TSHZ3: variants seen among roughly 807,000 people sequenced by gnomAD.
TSHZ3 encodes the protein teashirt homolog 3.
TSHZ3 carries 10 observed loss-of-function variants against 64.5 expected under a neutral mutation model. The observed-to-expected ratio is 0.16, with a 90% confidence interval of 0.10 to 0.26. The LOEUF (loss-of-function observed/expected upper bound fraction) is 0.26. TSHZ3 is among the 10% of genes least tolerant of loss of function. TSHZ3 has a pLI of 1.00. For missense variants in TSHZ3, 1,242 were observed against 1,421.7 expected, an observed-to-expected ratio of 0.87 and a Z score of 2.03; for synonymous variants, 608 against 593.1, an observed-to-expected ratio of 1.03 and a Z score of -0.36.
intron 4 of TSHZ3, among the ~76,000 whole-genome samples, chr19:31,217,193 A>G (rs1203446699): frequency 2.0e-5 from 3 of 152,210 alleles, no homozygotes; most frequent in Admixed American, 6.5e-5. Context: ...GGGCAGAGAC[A>G]GCTAGTGGCA....
Position 31,276,826 on chromosome 19 carries a change from G to T in TSHZ3, c.2967C>A (p.Ser989=), listed in dbSNP as rs769424058. The stretch of plus-strand genomic sequence containing the variant: ...GTGACTCTAGGTGACTGATGTACGT[G>T]GAAGGAGTCCTGATTTGGGACGCAC... ...NDCASQIRTP[S]TYISHLESHL... Residue 989 remains serine, a synonymous_variant, in exon 2 of 2, where the codon TCC becomes TCA. Coordinates refer to ENST00000240587, the MANE Select transcript of TSHZ3 (RefSeq NM_020856.4). The T allele has an allele frequency of 1.2e-6, 2 of 1,614,182 alleles. No individual in the cohort carries two copies. The highest frequency in any genetic ancestry group is 1.7e-6 in the Non-Finnish European group (2 of 1,180,030).
rs549514411 is a variant in TSHZ3 at position 31,210,926 on chromosome 19, T to C, written n.687-5848A>G. Among the ~76,000 whole-genome samples the C allele has an allele frequency of 2.0e-4, 31 of 152,308 alleles. 1 individual carries two copies. In the South Asian group the frequency reaches 5.8e-3, roughly 29 times the overall value. ...TCTGTGTTCCAAACTGGCGGCAGAT[T>C]TTAGCAATGTTTAATTGTAAGAAAT... is the stretch of plus-strand genomic sequence containing the variant. On this transcript the variant is annotated intron_variant and non_coding_transcript_variant, in intron 4 of 6. Coordinates refer to the TSHZ3 transcript ENST00000651361.
chr19:31,325,583 G>A (rs942307021), intron 1 of TSHZ3, among the ~76,000 whole-genome samples: 3 of 152,182 alleles, frequency 2.0e-5, no homozygotes, highest in Non-Finnish European at 4.4e-5. Context: ...TGTGGGAAGC[G>A]AAATGTGTGT....
rs1228120871 is a variant in TSHZ3 at position 31,334,597 on chromosome 19, G to A, written c.40+14583C>T. ...GGGGCTGAGCCTGCTTTGAGTCTAT[G>A]GCAGCTGAGTTAGGAAAAACCAAAA... On this transcript the variant is annotated intron_variant, in intron 1 of 1. Transcript: ENST00000240587. Among the ~76,000 whole-genome samples, 5 of 152,134 alleles carry A rather than the reference G, an allele frequency of 3.3e-5. No individual in the cohort carries two copies. In the East Asian group the frequency reaches 9.6e-4, roughly 29 times the overall value.
rs528000703 is a variant in TSHZ3, at chr19:31,335,777, C to T, written c.40+13403G>A. On this transcript the variant is annotated intron_variant, in intron 1 of 1. Transcript: ENST00000240587. ...CAGGTGCTTTTGCTTATCTGGGTCT[C>T]TCTCTACATATATTTCTCTATCCCC... is the stretch of plus-strand genomic sequence containing the variant. Among the ~76,000 whole-genome samples, 6 of 152,326 alleles carry T rather than the reference C, an allele frequency of 3.9e-5. No individual in the cohort carries two copies. In the South Asian group the frequency reaches 1.2e-3, roughly 32 times the overall value.
chr19:31,344,555 G>A (rs965462932), intron 1 of TSHZ3, among the ~76,000 whole-genome samples: 1 of 152,168 alleles, frequency 6.6e-6, no homozygotes, highest in East Asian at 1.9e-4. Context: ...ACCAGGACCG[G>A]GCACTTCCTA....
chr19:31,279,029 G>A lies in TSHZ3; in HGVS notation c.764C>T (p.Ser255Phe). Residue 255 changes from serine to phenylalanine, a missense_variant, in exon 2 of 2, where the codon TCC becomes TTC. Transcript: ENST00000240587. The surrounding 1 kb of genome is among the most constrained non-coding windows in gnomAD (Gnocchi z 6.4). ...ETDNNNPKRW[S>F]KPRKRSLLEM... ...CAGCAAGGAGCGTTTGCGAGGCTTG[G>A]ACCAGCGCTTGGGGTTGTTGTTATC... 1 of 1,614,014 alleles carries A rather than the reference G, an allele frequency of 6.2e-7. No homozygotes were observed. The highest frequency in any genetic ancestry group is 8.5e-7 in the Non-Finnish European group (1 of 1,179,918).
chr19:31,319,097 G>A (rs1916690484), intron 1 of TSHZ3, among the ~76,000 whole-genome samples: 1 of 152,176 alleles, frequency 6.6e-6, no homozygotes, highest in Non-Finnish European at 1.5e-5. Flanking sequence ...TAAAAAGCAG[G>A]CGTCAAAACT....
At chr19:31,245,853 A>G (rs1975752614) in intron 1 of TSHZ3, among the ~76,000 whole-genome samples, 1 of 152,200 alleles carries the variant, frequency 6.6e-6, no homozygotes, top group Non-Finnish European at 1.5e-5. Flanking sequence ...GTGCAGCCAC[A>G]TTGGAATCCA....
At chr19:31,199,443 G>A (rs143527650) in intron 5 of TSHZ3, among the ~76,000 whole-genome samples, 11 of 147,716 alleles carry the variant, frequency 7.4e-5, no homozygotes, top group African/African-American at 1.5e-4. Context: ...AACATAGTCC[G>A]ATGGTCTTTG....
chr19:31,256,184 G>C (rs1483659620), intron 1 of TSHZ3, among the ~76,000 whole-genome samples: 1 of 152,150 alleles, frequency 6.6e-6, no homozygotes, highest in Non-Finnish European at 1.5e-5. Context: ...AGGATGGAGA[G>C]AGACAGGGAA....
intron 4 of TSHZ3, among the ~76,000 whole-genome samples, chr19:31,217,401 A>G (rs909846743): frequency 6.6e-6 from 1 of 152,154 alleles, no homozygotes; most frequent in Non-Finnish European, 1.5e-5. Context: ...AAGGACAAAC[A>G]TTTATTTAAA....
At chr19:31,304,938 C>T (rs1191840758) in intron 1 of TSHZ3, among the ~76,000 whole-genome samples, 1 of 152,204 alleles carries the variant, frequency 6.6e-6, no homozygotes, top group Admixed American at 6.5e-5. Flanking sequence ...TTGATTGCTT[C>T]CTTTGCAGAC....
At chr19:31,202,416 T>A (rs1178862515) in intron 5 of TSHZ3, among the ~76,000 whole-genome samples, 2 of 152,190 alleles carry the variant, frequency 1.3e-5, no homozygotes, top group African/African-American at 4.8e-5. Context: ...TTTTTTTAAA[T>A]GTGATATTCC....
chr19:31,237,022 G>A (rs1030120422), intron 3 of TSHZ3, among the ~76,000 whole-genome samples: 3 of 150,750 alleles, frequency 2.0e-5, no homozygotes, highest in African/African-American at 7.4e-5. Flanking sequence ...GGTGGCACAT[G>A]CCTCTAATCC....
intron 1 of TSHZ3, among the ~76,000 whole-genome samples, chr19:31,269,369 G>A (rs1224513859): frequency 6.6e-6 from 1 of 152,162 alleles, no homozygotes; most frequent in Non-Finnish European, 1.5e-5. Flanking sequence ...CACTGAGGCG[G>A]AAGTCCGGCG....
chr19:31,277,502 G>C lies in TSHZ3; in HGVS notation c.2291C>G (p.Ala764Gly), dbSNP rs775035839. ...SNSLAEKAAV[A>G]TPPPLQSKKA... ...CTTGGACTGCAGGGGCGGCGGGGTG[G>C]CCACAGCAGCCTTCTCCGCCAGGCT... Residue 764 changes from alanine to glycine, a missense_variant, in exon 2 of 2, where the codon GCC (alanine) becomes GGC (glycine). By Grantham distance (60) the Ala-to-Gly change is moderately conservative (BLOSUM62 0). This residue lies in a region of TSHZ3 where 550 missense variants were observed against 545.1 expected (regional missense o/e 1.01). Coordinates refer to ENST00000240587, the MANE Select transcript of TSHZ3 (RefSeq NM_020856.4). The surrounding 1 kb of genome is among the most constrained non-coding windows in gnomAD (Gnocchi z 4.5). 2 of 1,607,298 alleles carry C rather than the reference G, an allele frequency of 1.2e-6. No homozygotes were observed. The highest frequency in any genetic ancestry group is 2.7e-5 in the African/African-American group (2 of 74,754).
Position 31,309,153 on chromosome 19 carries a change from C to T in TSHZ3, c.41-29401G>A, listed in dbSNP as rs576655083. Among the ~76,000 whole-genome samples, 37 of 152,336 alleles carry T rather than the reference C, an allele frequency of 2.4e-4. No homozygotes were observed. The South Asian group carries it at 6.0e-3, about 25-fold the overall frequency. On this transcript the variant is annotated intron_variant, in intron 1 of 1. Transcript: ENST00000240587. ...CCGCCACCCCTTGCAGACACAATGC[C>T]GGAAGGCATCGCTTTGTACGGGGCC...
intron 5 of TSHZ3, among the ~76,000 whole-genome samples, chr19:31,189,407 G>A (rs1238873191): frequency 6.6e-6 from 1 of 151,754 alleles, no homozygotes; most frequent in African/African-American, 2.4e-5. Flanking sequence ...TGCTTTGGCT[G>A]CATCCCCTAA....
Sources: allele counts gnomAD v4.1 joint callset (sites outside exome capture counted in the v4.1 genomes callset), GRCh38; gene constraint gnomAD v4.1.1; regional missense constraint gnomAD v4.1.1; non-coding constraint Gnocchi (gnomAD v3.1); transcripts MANE v1.5; gene names NCBI Gene and HGNC (gene_info 2026-07-23, HGNC 2026-07-21).